Variants in ARPC4 observed in about 807,000 individuals in gnomAD.
ARPC4 encodes the protein actin-related protein 2/3 complex subunit 4.
Under a neutral mutation model 22.8 loss-of-function variants are expected in ARPC4, and 3 were observed. The observed-to-expected ratio is 0.13, with a 90% CI of 0.06 to 0.34. The LOEUF (loss-of-function observed/expected upper bound fraction) is 0.34. ARPC4 is among the 10% of genes least tolerant of loss of function. The probability of loss-of-function intolerance (pLI) is 1.00; values close to 1 mark genes in which losing one functional copy is unlikely to be tolerated. For synonymous variants in ARPC4, 80 were observed against 72.5 expected, an observed-to-expected ratio of 1.10 and a Z score of -0.52; for missense variants, 98 against 211.0, an observed-to-expected ratio of 0.46 and a Z score of 3.32.
At chr3:9,803,089 T>A (rs2079046778) in intron 4 of ARPC4, among the ~76,000 whole-genome samples, 1 of 151,910 alleles carries the variant, frequency 6.6e-6, no homozygotes, top group Non-Finnish European at 1.5e-5. Flanking sequence ...TTCACTGTGT[T>A]AGCCAGGATG....
intron 1 of ARPC4, among the ~76,000 whole-genome samples, chr3:9,797,070 A>G (rs559231221): frequency 6.9e-6 from 1 of 145,338 alleles, no homozygotes; most frequent in East Asian, 1.9e-4. Context: ...TGTCATCTTT[A>G]TATCATAGTT....
At chr3:9,800,160 G>A (rs1559728109) in intron 2 of ARPC4, 25 bp from the exon 3 acceptor site, 1 of 1,612,242 alleles carries the variant, frequency 6.2e-7, no homozygotes, top group South Asian at 1.1e-5. Flanking sequence ...TGTAGTACAA[G>A]TACTCTGTCA....
At position 9,806,393 on chromosome 3, in the gene ARPC4, C is replaced by T; in HGVS notation, c.*178C>T. Reference sequence around the variant, plus strand: ...GGGCAAGAAAGCAGCAGTGGACCTGCCCCAAGGCCACACGTGCCTGGTCAG... The same window carrying T: ...GGGCAAGAAAGCAGCAGTGGACCTGTCCCAAGGCCACACGTGCCTGGTCAG... On this transcript the variant is annotated 3_prime_UTR_variant, in exon 6 of 6. Transcript: ENST00000397261. 1 of 723,988 alleles carries T rather than the reference C, an allele frequency of 1.4e-6. No homozygotes were observed. The highest frequency in any genetic ancestry group is 2.1e-5 in the Admixed American group (1 of 48,366). The allele number at this position is 723,988 out of a possible 1,614,324, so 44.8% of individuals were successfully genotyped here.
intron 1 of ARPC4, among the ~76,000 whole-genome samples, chr3:9,794,325 T>A (rs918492125): frequency 3.9e-5 from 6 of 151,946 alleles, no homozygotes; most frequent in African/African-American, 1.4e-4. Context: ...CGGTGAAACC[T>A]CTTCTCTACT....
intron 3 of ARPC4, among the ~76,000 whole-genome samples, chr3:9,801,079 C>T (rs2078997968): frequency 6.6e-6 from 1 of 151,816 alleles, no homozygotes; most frequent in Non-Finnish European, 1.5e-5. Flanking sequence ...GGCGTGGTGG[C>T]ACGCGCCTGT....
At chr3:9,804,485 G>GT (rs142303417) in intron 5 of ARPC4, among the ~76,000 whole-genome samples, 5,579 of 152,274 alleles carry the variant, frequency 0.037, 148 homozygotes, top group Non-Finnish European at 0.057. Flanking sequence ...CTTGCATGGC[G>GT]TAAGTCCTCC....
At chr3:9,803,668 G>C (rs2079057749) in intron 4 of ARPC4, 175 bp from the exon 5 acceptor site, 3 of 797,466 alleles carry the variant, frequency 3.8e-6, no homozygotes, top group African/African-American at 1.7e-5. Flanking sequence ...ATCCAACCTA[G>C]ACACCCTCCC....
intron 1 of ARPC4, among the ~76,000 whole-genome samples, chr3:9,796,887 G>A (rs866472597): frequency 1.4e-5 from 2 of 145,382 alleles, no homozygotes; most frequent in Middle Eastern, 3.8e-3. Context: ...CTTGCAGTGA[G>A]CCGAGATCGT....
chr3:9,799,764 G>C, intron 2 of ARPC4: 1 of 434,026 alleles, frequency 2.3e-6, no homozygotes, highest in Non-Finnish European at 4.6e-6. Flanking sequence ...TTGGATTTCA[G>C]ATTTGCAGAT....
chr3:9,799,592 G>A (rs747158716), intron 2 of ARPC4, among the ~76,000 whole-genome samples: 12 of 152,020 alleles, frequency 7.9e-5, no homozygotes, highest in African/African-American at 1.7e-4. Flanking sequence ...ATAGGAGTGC[G>A]CCACCATGCC....
rs756561253 is a variant in ARPC4, at chr3:9,803,869, C to T, written c.357C>T (p.Thr119=). 1 of 1,614,140 alleles carries T rather than the reference C, an allele frequency of 6.2e-7. No homozygotes were observed. The highest frequency in any genetic ancestry group is 1.1e-5 in the South Asian group (1 of 91,078). Residue 119 remains threonine, a synonymous_variant, in exon 5 of 6, where the codon ACC becomes ACT. Transcript: ENST00000397261. ...VEGYDISFLI[T]NFHTEQMYKH... ...GGTATGATATCAGCTTTCTGATCAC[C>T]AACTTCCACACAGAGCAGATGTACA...
At chr3:9,804,155 C>A in intron 5 of ARPC4, 142 bp downstream of exon 5, 1 of 868,512 alleles carries the variant, frequency 1.2e-6, no homozygotes, top group Non-Finnish European at 1.7e-6. Context: ...CACAGCAGGT[C>A]AGTCAGGTGC....
intron 1 of ARPC4, 149 bp downstream of exon 1, chr3:9,793,273 G>A (rs2078794744): frequency 7.2e-7 from 1 of 1,393,070 alleles, no homozygotes; most frequent in Non-Finnish European, 9.4e-7. Context: ...AAAAGAGACG[G>A]GGCGGGGGCC....
chr3:9,792,630 C>A, upstream of ARPC4: 1 of 1,231,244 alleles, frequency 8.1e-7, no homozygotes, highest in Non-Finnish European at 1.0e-6. Flanking sequence ...CGGGGCACAG[C>A]CCGGGGCGGG....
intron 4 of ARPC4, 129 bp downstream of exon 4, chr3:9,801,885 T>C: frequency 1.0e-6 from 1 of 964,806 alleles, no homozygotes; most frequent in Non-Finnish European, 1.5e-6. Flanking sequence ...GGCCTTCATC[T>C]TGGAGTGGGA....
chr3:9,798,929 C>G (rs1187530155), intron 2 of ARPC4, among the ~76,000 whole-genome samples: 1 of 152,086 alleles, frequency 6.6e-6, no homozygotes, highest in Non-Finnish European at 1.5e-5. Flanking sequence ...ACATACATAA[C>G]TGAGATAATC....
intron 1 of ARPC4, 94 bp downstream of exon 1, chr3:9,793,218 G>T: frequency 6.7e-7 from 1 of 1,483,528 alleles, no homozygotes; most frequent in Non-Finnish European, 9.0e-7. Flanking sequence ...AGGGGCGCGG[G>T]GCCGAGGGAT....
intron 1 of ARPC4, among the ~76,000 whole-genome samples, chr3:9,796,676 T>A (rs988325000): frequency 2.0e-5 from 3 of 152,100 alleles, no homozygotes; most frequent in Non-Finnish European, 4.4e-5. Context: ...GTGTGGTGGC[T>A]CACGCCTGTA....
rs931589854 is a variant in ARPC4 at position 9,793,140 on chromosome 3, C to G, written c.3+16C>G. 5.2e-6 allele frequency: 8 copies of G among 1,541,186 alleles called. No homozygotes were observed. Among genetic ancestry groups the G allele is most frequent in the Non-Finnish European group, 6.1e-6 (7 of 1,141,986 alleles). ...GCCCGCGATGGTGAGAGAGCCGGGC[C>G]CCCGGCCAGGGACCCCCGGCTGTTC... On this transcript the variant is annotated intron_variant, in intron 1 of 5. Transcript: ENST00000397261.
Sources: gnomAD v4.1 joint callset for allele counts (sites outside exome capture counted in the v4.1 genomes callset) on GRCh38, gnomAD v4.1.1 for gene constraint, MANE v1.5 for transcripts, NCBI Gene and HGNC (gene_info 2026-07-23, HGNC 2026-07-21) for gene names.